The following FILIP1L variants were observed in gnomAD, a reference collection of about 807,000 sequenced individuals.
The protein encoded by FILIP1L is filamin A interacting protein 1 like.
Under a neutral mutation model 96.6 loss-of-function variants are expected in FILIP1L, and 55 were observed. The ratio of observed to expected loss-of-function variants is 0.57; its 90% CI spans 0.46 to 0.71. The LOEUF is 0.71. Among genes scored for constraint, FILIP1L ranks in the 30% least tolerant of loss-of-function variants. FILIP1L has a pLI of 0.00. For missense variants in FILIP1L, 1,304 were observed against 1,321.2 expected (o/e 0.99, Z 0.20); for synonymous variants, 467 against 473.9 (o/e 0.99, Z 0.19).
At chr3:100,110,940 G>T (rs77872880) in intron 1 of FILIP1L, among the ~76,000 whole-genome samples, 2,391 of 152,188 alleles carry the variant, frequency 0.016, 35 homozygotes, top group Non-Finnish European at 0.024. Flanking sequence ...CATGTAGGTG[G>T]ATATACTAAT....
At chr3:99,911,217 T>C (rs1706777263) in intron 4 of FILIP1L, among the ~76,000 whole-genome samples, 1 of 151,912 alleles carries the variant, frequency 6.6e-6, no homozygotes, top group African/African-American at 2.4e-5. Context: ...GTAAAGTAAG[T>C]TTTTATCAGG....
chr3:99,974,727 CA>C (rs1576612668), intron 1 of FILIP1L, among the ~76,000 whole-genome samples: 1 of 152,186 alleles, frequency 6.6e-6, no homozygotes, highest in East Asian at 1.9e-4. Context: ...ACAACAACAA[CA>C]ACAACAAAAA....
intron 1 of FILIP1L, among the ~76,000 whole-genome samples, chr3:100,062,344 C>CAT (rs1457692847): frequency 6.6e-6 from 1 of 151,894 alleles, no homozygotes; most frequent in Non-Finnish European, 1.5e-5. Flanking sequence ...ATCTCCTGAC[C>CAT]TCGCGATCCA....
chr3:100,069,529 G>A (rs2065725054), intron 1 of FILIP1L, among the ~76,000 whole-genome samples: 1 of 152,014 alleles, frequency 6.6e-6, no homozygotes, highest in South Asian at 2.1e-4. Context: ...TTGGATTTCT[G>A]ATACGGCAGC....
At chr3:99,832,266 T>A (rs1942696670) in intron 5 of FILIP1L, among the ~76,000 whole-genome samples, 1 of 149,900 alleles carries the variant, frequency 6.7e-6, no homozygotes, top group Non-Finnish European at 1.5e-5. Context: ...AGTCTCGCTG[T>A]ATCACCCAGA....
At chr3:100,063,953 AGCCAAACCCATTG>A (rs1411378702) in intron 1 of FILIP1L, among the ~76,000 whole-genome samples, 2 of 152,240 alleles carry the variant, frequency 1.3e-5, no homozygotes, top group Admixed American at 1.3e-4. Context: ...ACATACCGTC[AGCCAAACCCATTG>A]GTGCCAGTAC....
chr3:99,952,261 A>G (rs1405585392), intron 1 of FILIP1L, among the ~76,000 whole-genome samples: 1 of 152,134 alleles, frequency 6.6e-6, no homozygotes, highest in Non-Finnish European at 1.5e-5. Context: ...CTCCTAAATC[A>G]AATTAGGGCA....
chr3:99,871,983 TCTA>T (rs531790807), intron 4 of FILIP1L, among the ~76,000 whole-genome samples: 208 of 152,284 alleles, frequency 1.4e-3, no homozygotes, highest in African/African-American at 4.6e-3. Flanking sequence ...TTTGAACCTT[TCTA>T]CTTTCTTTTT....
chr3:99,887,088 A>G lies in FILIP1L; in HGVS notation c.606-36018T>C, dbSNP rs141895237. 6.2e-3 allele frequency among the ~76,000 whole-genome samples: 935 copies of G among 151,786 alleles called. 6 individuals carry two copies. The highest frequency in any genetic ancestry group is 0.018 in the African/African-American group (742 of 41,366). On this transcript the variant is annotated intron_variant, in intron 4 of 5. Transcript: ENST00000477258. ...GGAGTTTGAGACCAGCCTGACCAACATGGAGAAACCCCATCTCTACTAAAA... is the reference window on the plus strand; with the variant it reads ...GGAGTTTGAGACCAGCCTGACCAACGTGGAGAAACCCCATCTCTACTAAAA...
chr3:99,971,557 C>T (rs1708823242), intron 1 of FILIP1L, among the ~76,000 whole-genome samples: 1 of 152,166 alleles, frequency 6.6e-6, no homozygotes, highest in Non-Finnish European at 1.5e-5. Context: ...CCTCTCTAAG[C>T]CTCACTTCCA....
chr3:99,906,422 A>G (rs1215923886), intron 4 of FILIP1L, among the ~76,000 whole-genome samples: 2 of 152,118 alleles, frequency 1.3e-5, no homozygotes, highest in Non-Finnish European at 2.9e-5. Flanking sequence ...TATATTCTGT[A>G]TGTGAGTCTT....
chr3:100,018,991 T>C (rs1344868198), intron 1 of FILIP1L, among the ~76,000 whole-genome samples: 1 of 152,094 alleles, frequency 6.6e-6, no homozygotes, highest in African/African-American at 2.4e-5. Context: ...AAAACCACAG[T>C]GAAACATCAC....
At chr3:100,007,016 T>C (rs1710008057) in intron 1 of FILIP1L, among the ~76,000 whole-genome samples, 1 of 152,236 alleles carries the variant, frequency 6.6e-6, no homozygotes, top group Non-Finnish European at 1.5e-5. Flanking sequence ...CTTTCATTAC[T>C]TACTGGCTTT....
At chr3:100,010,532 T>C (rs1364229664) in intron 1 of FILIP1L, among the ~76,000 whole-genome samples, 2 of 152,108 alleles carry the variant, frequency 1.3e-5, no homozygotes, top group Admixed American at 1.3e-4. Flanking sequence ...CCAGTTGTAT[T>C]TGGTGACAAT....
At chr3:100,021,373 C>G (rs1324331173) in intron 1 of FILIP1L, among the ~76,000 whole-genome samples, 1 of 152,190 alleles carries the variant, frequency 6.6e-6, no homozygotes, top group Admixed American at 6.5e-5. Flanking sequence ...CCAAGTTCAG[C>G]ATCTCAGCAT....
Position 100,082,812 on chromosome 3 carries a change from A to G in FILIP1L, c.-11+31241T>C, listed in dbSNP as rs116008789. On this transcript the variant is annotated intron_variant, in intron 1 of 5. Transcript: ENST00000477258. ...CTGTTTTTCAGCATGGTAGTCATAG[A>G]CTTACCTTCGTTGACTTAAGACACC... 3.6e-3 allele frequency among the ~76,000 whole-genome samples: 549 copies of G among 152,278 alleles called. 2 individuals carry two copies. Among genetic ancestry groups the G allele is most frequent in the African/African-American group, 0.013 (535 of 41,548 alleles).
intron 1 of FILIP1L, among the ~76,000 whole-genome samples, chr3:99,987,577 G>A (rs902540109): frequency 6.0e-5 from 9 of 149,944 alleles, no homozygotes; most frequent in Non-Finnish European, 1.0e-4. Context: ...AAGTGCAAGA[G>A]ATTATTTAAA....
chr3:100,084,090 G>C (rs1472453784), intron 1 of FILIP1L, among the ~76,000 whole-genome samples: 1 of 152,102 alleles, frequency 6.6e-6, no homozygotes, highest in African/African-American at 2.4e-5. Flanking sequence ...GCAGAAAGGA[G>C]CTCAATTTTT....
chr3:99,956,439 G>C (rs531968728), intron 1 of FILIP1L, among the ~76,000 whole-genome samples: 2 of 152,108 alleles, frequency 1.3e-5, no homozygotes, highest in Non-Finnish European at 2.9e-5. Context: ...TGCAAACTAC[G>C]CCTCCTAGGT....
Sources: allele counts gnomAD v4.1 joint callset (sites outside exome capture counted in the v4.1 genomes callset), GRCh38; gene constraint gnomAD v4.1.1; transcripts MANE v1.5; gene names NCBI Gene and HGNC (gene_info 2026-07-23, HGNC 2026-07-21).